The following SYNGR1 variants were observed in gnomAD, a reference collection of about 807,000 sequenced individuals.
SYNGR1 encodes the protein synaptogyrin 1.
SYNGR1 carries 14 observed loss-of-function variants against 26.1 expected under a neutral mutation model. That is an observed-to-expected ratio of 0.54 (90% CI 0.35 to 0.84). SYNGR1 has a LOEUF of 0.84. SYNGR1 is among the 40% of genes least tolerant of loss of function. SYNGR1 has a pLI of 0.01. For synonymous variants in SYNGR1, 141 were observed against 150.1 expected (o/e 0.94, Z 0.44); for missense variants, 319 against 332.9 (o/e 0.96, Z 0.33).
At chr22:39,362,211 G>C (rs1924508977) in intron 1 of SYNGR1, among the ~76,000 whole-genome samples, 1 of 152,154 alleles carries the variant, frequency 6.6e-6, no homozygotes, top group Non-Finnish European at 1.5e-5. Flanking sequence ...AGGAGAGGAA[G>C]ATGGGGCATT....
chr22:39,381,889 A>C lies in SYNGR1; in HGVS notation c.677A>C (p.Gln226Pro). The C allele has an allele frequency of 6.2e-7, 1 of 1,612,024 alleles. No homozygotes were observed. The highest frequency in any genetic ancestry group is 8.5e-7 in the Non-Finnish European group (1 of 1,179,622). ...QPANTFDTEP[Q>P]GYQSQGY ...GCCAACACCTTCGACACCGAGCCCC[A>C]GGGCTACCAGTCGCAGGGCTACTGA... The change falls in exon 4 of 4, where the codon CAG (glutamine) becomes CCG (proline). Residue 226 changes from glutamine (Q) to proline (P), a missense_variant. By Grantham distance (76) the Gln-to-Pro change is moderately conservative. Coordinates refer to ENST00000328933, the MANE Select transcript of SYNGR1 (RefSeq NM_004711.5).
At chr22:39,376,468 C>A (rs1275307702) in intron 3 of SYNGR1, among the ~76,000 whole-genome samples, 1 of 152,140 alleles carries the variant, frequency 6.6e-6, no homozygotes, top group Non-Finnish European at 1.5e-5. Flanking sequence ...GGACCACCCC[C>A]CCCCCAAACC....
In SYNGR1 at chr22:39,367,310, G is replaced by A. The variant is rs1232406700; in HGVS notation, c.100-7006G>A. On this transcript the variant is annotated intron_variant, in intron 1 of 3. Transcript: ENST00000328933. ...CCCAGGCCCCAGGGCAGGGCAGGCA[G>A]CTCACTCACTCCACTCCAGCAAACA... Among the ~76,000 whole-genome samples the A allele has an allele frequency of 2.6e-5, 4 of 152,254 alleles. No individual in the cohort carries two copies. The East Asian group carries it at 7.7e-4, about 29-fold the overall frequency.
chr22:39,371,578 G>A lies in SYNGR1; in HGVS notation c.100-2738G>A, dbSNP rs146581486. ...GCTTGGGGCTGGTGGATCACTGGAG[G>A]TTAGGAGTTTGAAACCAGCCTGACA... is the stretch of plus-strand genomic sequence containing the variant. On this transcript the variant is annotated intron_variant, in intron 1 of 3. Transcript: ENST00000328933. 2.9e-3 allele frequency among the ~76,000 whole-genome samples: 438 copies of A among 152,192 alleles called. 2 individuals are homozygous for A. The highest frequency in any genetic ancestry group is 9.8e-3 in the African/African-American group (409 of 41,524).
At chr22:39,359,968 C>T (rs572352494) in intron 1 of SYNGR1, among the ~76,000 whole-genome samples, 29 of 152,288 alleles carry the variant, frequency 1.9e-4, no homozygotes, top group African/African-American at 6.7e-4. Context: ...TGATCTTCCC[C>T]TGTGCACTGG....
intron 1 of SYNGR1, among the ~76,000 whole-genome samples, chr22:39,358,270 T>G (rs1438309630): frequency 6.6e-6 from 1 of 152,144 alleles, no homozygotes; most frequent in Non-Finnish European, 1.5e-5. Context: ...TGTATCTAGC[T>G]CAGGGATTGT....
At chr22:39,377,512 GCCT>G in intron 3 of SYNGR1, 2 of 1,560,184 alleles carry the variant, frequency 1.3e-6, no homozygotes, top group Non-Finnish European at 1.7e-6. Context: ...ACCAACAGGT[GCCT>G]GCCCGGCCCC....
At chr22:39,365,725 T>C (rs1924713311) in intron 1 of SYNGR1, among the ~76,000 whole-genome samples, 1 of 152,154 alleles carries the variant, frequency 6.6e-6, no homozygotes, top group Non-Finnish European at 1.5e-5. Context: ...GTTTCCCCAC[T>C]TGTGGACCAG....
At chr22:39,359,523 C>A (rs112796610) in intron 1 of SYNGR1, among the ~76,000 whole-genome samples, 2 of 150,284 alleles carry the variant, frequency 1.3e-5, no homozygotes, top group Non-Finnish European at 3.0e-5. Context: ...CCCAGCTACC[C>A]GGGAGGCTGA....
chr22:39,374,882 C>G, intron 2 of SYNGR1: 1 of 416,732 alleles, frequency 2.4e-6, no homozygotes, highest in Non-Finnish European at 4.5e-6. Flanking sequence ...TCTGTGCCAC[C>G]TCCCTGGGGC....
At chr22:39,364,379 A>G (rs1310332287) in intron 1 of SYNGR1, 2 of 1,605,038 alleles carry the variant, frequency 1.2e-6, no homozygotes, top group African/African-American at 2.7e-5. Flanking sequence ...TGCTCTAAGT[A>G]TAAGACTGCT....
chr22:39,377,713 G>T (rs200027843), intron 3 of SYNGR1: 19 of 1,610,480 alleles, frequency 1.2e-5, no homozygotes, highest in Non-Finnish European at 1.5e-5. Context: ...TGCAGAGGCC[G>T]GCAGCCCTGT....
intron 2 of SYNGR1, 130 bp downstream of exon 2, chr22:39,374,683 AC>A (rs1326235618): frequency 2.1e-6 from 2 of 971,148 alleles, no homozygotes; most frequent in Non-Finnish European, 3.2e-6. Flanking sequence ...GAAGGGATGG[AC>A]TCAGGGTCAC....
In SYNGR1 at chr22:39,374,336, C is replaced by T. The variant is rs905145525; in HGVS notation, c.120C>T (p.Phe40=). Residue 40 remains phenylalanine (F), a synonymous_variant, in exon 2 of 4, where the codon TTC becomes TTT. Transcript: ENST00000328933. ...GACAGCTGTTCTCCATAGTGGTGTT[C>T]GGCTCCATCGTGAACGAGGGCTACC... is the stretch of plus-strand genomic sequence containing the variant. The part of the protein sequence containing the change: ...VVSWLFSIVV[F]GSIVNEGYLN... 29 of 1,613,828 alleles carry T rather than the reference C, an allele frequency of 1.8e-5. No homozygotes were observed. Among genetic ancestry groups the T allele is most frequent in the Non-Finnish European group, 2.4e-5 (28 of 1,180,026 alleles).
chr22:39,364,215 G>C (rs199555477), intron 1 of SYNGR1: 50 of 1,613,616 alleles, frequency 3.1e-5, no homozygotes, highest in South Asian at 1.1e-4. Context: ...TAGAGTTTGG[G>C]ATTCTGGAAT....
chr22:39,371,809 G>C (rs965050326), intron 1 of SYNGR1, among the ~76,000 whole-genome samples: 4 of 152,036 alleles, frequency 2.6e-5, no homozygotes, highest in Non-Finnish European at 5.9e-5. Flanking sequence ...TTAGAGTCAG[G>C]TACCCTGGGT....
intron 1 of SYNGR1, among the ~76,000 whole-genome samples, chr22:39,356,198 A>ACGGGATTACAGG (rs1555938965): frequency 6.6e-6 from 1 of 151,688 alleles, no homozygotes; most frequent in African/African-American, 2.4e-5. Context: ...TCCTGAGTAG[A>ACGGGATTACAGG]TGTCCGCCAC....
intron 1 of SYNGR1, among the ~76,000 whole-genome samples, chr22:39,355,132 C>G (rs1015851496): frequency 6.6e-6 from 1 of 152,182 alleles, no homozygotes; most frequent in African/African-American, 2.4e-5. Context: ...AAGCACTGTC[C>G]CAGAGGCTCG....
intron 3 of SYNGR1, chr22:39,377,664 C>T: frequency 1.2e-6 from 2 of 1,613,970 alleles, no homozygotes; most frequent in Non-Finnish European, 1.7e-6. Flanking sequence ...GTACAGCACA[C>T]TGTTCCCTGC....
Sources: gnomAD v4.1 joint callset for allele counts (sites outside exome capture counted in the v4.1 genomes callset) on GRCh38, gnomAD v4.1.1 for gene constraint, MANE v1.5 for transcripts, NCBI Gene and HGNC (gene_info 2026-07-23, HGNC 2026-07-21) for gene names.